Variants in CCSER1 observed in about 807,000 individuals in gnomAD.
CCSER1 encodes serine-rich coiled-coil domain-containing protein 1.
In CCSER1, 41 loss-of-function variants were observed where a neutral mutation model predicts 82.0. The ratio of observed to expected loss-of-function variants is 0.50; its 90% confidence interval spans 0.39 to 0.65. CCSER1 has a LOEUF of 0.65. Among genes scored for constraint, CCSER1 ranks in the 30% least tolerant of loss-of-function variants. The probability of loss-of-function intolerance (pLI) is 0.00; values close to 1 mark genes in which losing one functional copy is unlikely to be tolerated. For missense variants in CCSER1, 1,119 were observed against 1,064.2 expected, an observed-to-expected ratio of 1.05 and a Z score of -0.72; for synonymous variants, 414 against 383.9, an observed-to-expected ratio of 1.08 and a Z score of -0.92.
chr4:90,716,194 G>T (rs1741612157), intron 6 of CCSER1, among the ~76,000 whole-genome samples: 2 of 151,802 alleles, frequency 1.3e-5, no homozygotes, highest in South Asian at 2.1e-4. Flanking sequence ...CTGGATGGCT[G>T]GTCACTAGTG....
At chr4:90,397,403 A>G (rs1213877833) in intron 3 of CCSER1, among the ~76,000 whole-genome samples, 1 of 152,214 alleles carries the variant, frequency 6.6e-6, no homozygotes, top group Non-Finnish European at 1.5e-5. Flanking sequence ...TTAAAATTTT[A>G]TTTCAAATTG....
chr4:91,163,706 G>C (rs1731704319), intron 10 of CCSER1, among the ~76,000 whole-genome samples: 1 of 152,068 alleles, frequency 6.6e-6, no homozygotes, highest in Admixed American at 6.6e-5. Context: ...TGTCTCTTTT[G>C]ATCTTTGTTG....
intron 5 of CCSER1, among the ~76,000 whole-genome samples, chr4:90,549,177 A>C (rs866016387): frequency 6.6e-6 from 1 of 152,296 alleles, no homozygotes; most frequent in African/African-American, 2.4e-5. Context: ...TGCTTCATTT[A>C]ACAAATGTTA....
chr4:91,264,586 T>C (rs1052663321), intron 10 of CCSER1, among the ~76,000 whole-genome samples: 3 of 152,030 alleles, frequency 2.0e-5, no homozygotes, highest in Admixed American at 6.5e-5. Flanking sequence ...GCACTACAAT[T>C]GTGAGACCTA....
At chr4:91,045,658 G>A (rs894569313) in intron 9 of CCSER1, among the ~76,000 whole-genome samples, 1 of 152,078 alleles carries the variant, frequency 6.6e-6, no homozygotes, top group Non-Finnish European at 1.5e-5. Context: ...CAATTATAAT[G>A]AGATTCTTTG....
intron 3 of CCSER1, among the ~76,000 whole-genome samples, chr4:90,357,770 T>C (rs1744622220): frequency 6.6e-6 from 1 of 152,056 alleles, no homozygotes; most frequent in Non-Finnish European, 1.5e-5. Flanking sequence ...TTTCTGCTTC[T>C]ATCCAATTGA....
At chr4:90,192,260 T>C (rs901490059) in intron 1 of CCSER1, among the ~76,000 whole-genome samples, 3 of 151,920 alleles carry the variant, frequency 2.0e-5, no homozygotes, top group African/African-American at 7.3e-5. Flanking sequence ...TGAAACTCAC[T>C]CACTATCATG....
intron 1 of CCSER1, among the ~76,000 whole-genome samples, chr4:90,301,601 T>C (rs1733132525): frequency 6.6e-6 from 1 of 152,112 alleles, no homozygotes; most frequent in African/African-American, 2.4e-5. Context: ...ATGTAACAAA[T>C]TTGTTTTTTC....
intron 6 of CCSER1, among the ~76,000 whole-genome samples, chr4:90,652,668 C>G (rs145782677): frequency 6.6e-6 from 1 of 152,148 alleles, no homozygotes; most frequent in African/African-American, 2.4e-5. Context: ...CTCAGTGGAC[C>G]TTTTTATGAG....
intron 10 of CCSER1, among the ~76,000 whole-genome samples, chr4:91,530,458 GAATA>G (rs1414503264): frequency 4.0e-5 from 6 of 151,878 alleles, no homozygotes; most frequent in Non-Finnish European, 7.4e-5. Context: ...CATTAACAAT[GAATA>G]AATGGACCAA....
At chr4:91,048,565 G>A (rs763465375) in intron 9 of CCSER1, among the ~76,000 whole-genome samples, 9 of 151,974 alleles carry the variant, frequency 5.9e-5, no homozygotes, top group African/African-American at 1.2e-4. Flanking sequence ...CCATGGACAG[G>A]CTACAATAAG....
chr4:90,158,321 C>T (rs1178351256), intron 1 of CCSER1, among the ~76,000 whole-genome samples: 1 of 152,186 alleles, frequency 6.6e-6, no homozygotes, highest in African/African-American at 2.4e-5. Flanking sequence ...GCTCGGGGGT[C>T]AGGGGTCAGG....
At chr4:90,131,768 A>G (rs1056002916) in intron 1 of CCSER1, among the ~76,000 whole-genome samples, 1 of 152,170 alleles carries the variant, frequency 6.6e-6, no homozygotes. Flanking sequence ...TTTTAGCAAC[A>G]ATTTTATGGC....
chr4:91,319,432 G>A (rs1746043307), intron 10 of CCSER1, among the ~76,000 whole-genome samples: 1 of 151,934 alleles, frequency 6.6e-6, no homozygotes, highest in East Asian at 1.9e-4. Context: ...CCAAACAAAA[G>A]GCAATGTTCA....
chr4:91,004,462 G>A (rs1401928462), intron 9 of CCSER1, among the ~76,000 whole-genome samples: 1 of 152,194 alleles, frequency 6.6e-6, no homozygotes, highest in Non-Finnish European at 1.5e-5. Context: ...AAGTGATCAT[G>A]AAATAATTTC....
intron 5 of CCSER1, among the ~76,000 whole-genome samples, chr4:90,470,955 G>T (rs896856052): frequency 2.7e-4 from 41 of 151,940 alleles, no homozygotes; most frequent in Admixed American, 9.2e-4. Flanking sequence ...GAGGGGAAAG[G>T]TGATTCCACA....
chr4:91,203,991 T>G lies in CCSER1; in HGVS notation c.2217+117997T>G, dbSNP rs139276228. Among the ~76,000 whole-genome samples, 658 of 152,004 alleles carry G rather than the reference T, an allele frequency of 4.3e-3. 5 individuals carry two copies. The highest frequency in any genetic ancestry group is 0.015 in the African/African-American group (610 of 41,520). ...GCCTTCTGGGCATTTTATAATATTTTAATATATAGTTAGTGACTCAGGACA... is the reference window on the plus strand; with the variant it reads ...GCCTTCTGGGCATTTTATAATATTTGAATATATAGTTAGTGACTCAGGACA... On this transcript the variant is annotated intron_variant, in intron 10 of 10. Transcript: ENST00000509176.
intron 5 of CCSER1, among the ~76,000 whole-genome samples, chr4:90,512,500 A>T (rs1366429624): frequency 6.6e-6 from 1 of 152,142 alleles, no homozygotes; most frequent in Non-Finnish European, 1.5e-5. Flanking sequence ...AGACTGACAG[A>T]CATGCCTATA....
At chr4:90,479,386 C>T (rs917277915) in intron 5 of CCSER1, among the ~76,000 whole-genome samples, 2 of 151,738 alleles carry the variant, frequency 1.3e-5, no homozygotes, top group Non-Finnish European at 1.5e-5. Context: ...ATTTCTTTTT[C>T]GTCTTTTTAT....
Sources: allele counts gnomAD v4.1 joint callset (sites outside exome capture counted in the v4.1 genomes callset), GRCh38; gene constraint gnomAD v4.1.1; transcripts MANE v1.5; gene names NCBI Gene and HGNC (gene_info 2026-07-23, HGNC 2026-07-21).